The following ANO4 variants were observed in gnomAD, a reference collection of about 807,000 sequenced individuals.
ANO4 encodes the protein anoctamin-4.
Under a neutral mutation model 141.9 loss-of-function variants are expected in ANO4, and 69 were observed. The observed-to-expected ratio is 0.49, with a 90% CI of 0.40 to 0.59. The LOEUF is 0.59. ANO4 is among the 20% of genes least tolerant of loss of function. The probability of loss-of-function intolerance (pLI) is 0.00; values close to 1 mark genes in which losing one functional copy is unlikely to be tolerated. For synonymous variants in ANO4, 350 were observed against 394.3 expected (o/e 0.89, Z 1.33); for missense variants, 894 against 1,162.2 (o/e 0.77, Z 3.36).
chr12:100,858,787 C>T (rs1454905756), intron 1 of ANO4, among the ~76,000 whole-genome samples: 1 of 118,252 alleles, frequency 8.5e-6, no homozygotes, highest in African/African-American at 3.5e-5. Context: ...TGCAAAACCA[C>T]TCTACCATCT....
At chr12:101,027,782 T>A (rs1209292865) in intron 9 of ANO4, among the ~76,000 whole-genome samples, 1 of 152,072 alleles carries the variant, frequency 6.6e-6, no homozygotes, top group Non-Finnish European at 1.5e-5. Context: ...TAGCCCAGAA[T>A]GCCACCCAGC....
At chr12:101,070,371 T>TA (rs1316386358) in intron 14 of ANO4, among the ~76,000 whole-genome samples, 1 of 152,158 alleles carries the variant, frequency 6.6e-6, no homozygotes, top group Non-Finnish European at 1.5e-5. Flanking sequence ...TCCACACACT[T>TA]ACAGTGAACT....
At chr12:100,956,029 C>T (rs2043162316) in intron 5 of ANO4, among the ~76,000 whole-genome samples, 1 of 152,186 alleles carries the variant, frequency 6.6e-6, no homozygotes, top group Non-Finnish European at 1.5e-5. Context: ...TTAGCAATTT[C>T]CCATGAACAT....
chr12:101,004,889 GC>G (rs1335737925), intron 8 of ANO4, among the ~76,000 whole-genome samples: 5 of 152,120 alleles, frequency 3.3e-5, no homozygotes, highest in African/African-American at 4.8e-5. Context: ...ATGGTGGAGG[GC>G]CAAAAAAGAG....
At chr12:101,007,311 C>T (rs1353482136) in intron 8 of ANO4, among the ~76,000 whole-genome samples, 3 of 152,152 alleles carry the variant, frequency 2.0e-5, no homozygotes, top group Non-Finnish European at 1.5e-5. Context: ...GATTGCACCA[C>T]GGCCCTCCAG....
chr12:101,077,046 A>G (rs1475625754), intron 14 of ANO4, among the ~76,000 whole-genome samples: 1 of 152,154 alleles, frequency 6.6e-6, no homozygotes, highest in Non-Finnish European at 1.5e-5. Flanking sequence ...GCTAAGGGTA[A>G]CTCGTGATGC....
intron 13 of ANO4, among the ~76,000 whole-genome samples, chr12:101,045,155 CAAT>C (rs1454381934): frequency 6.6e-6 from 1 of 152,102 alleles, no homozygotes; most frequent in Non-Finnish European, 1.5e-5. Context: ...AGACCTAGAA[CAAT>C]AATAATTATA....
At position 100,752,593 on chromosome 12, in the gene ANO4, C is replaced by T. The variant is rs547273082; in HGVS notation, c.358+12488C>T. On this transcript the variant is annotated intron_variant, in intron 3 of 29. Coordinates refer to the ANO4 transcript ENST00000644049. ...TCCTTTGGAAACCTTATAGGGGTCA[C>T]GCAATCTTTTTTTAATGTGTGTGTG... 2.1e-3 allele frequency among the ~76,000 whole-genome samples: 324 copies of T among 152,094 alleles called. 1 individual carries two copies. Among genetic ancestry groups the T allele is most frequent in the African/African-American group, 7.1e-3 (293 of 41,502 alleles).
chr12:100,889,279 A>G (rs1379687961), intron 1 of ANO4, among the ~76,000 whole-genome samples: 2 of 152,048 alleles, frequency 1.3e-5, no homozygotes, highest in African/African-American at 4.8e-5. Flanking sequence ...CCAGTATATC[A>G]TTGTCGGACA....
At chr12:100,788,619 T>C (rs780280949) in intron 3 of ANO4, among the ~76,000 whole-genome samples, 9 of 152,188 alleles carry the variant, frequency 5.9e-5, no homozygotes, top group Admixed American at 3.9e-4. Flanking sequence ...AGCTGGAATT[T>C]TGTACAGATG....
At chr12:100,820,190 C>G (rs1056822882) in intron 1 of ANO4, among the ~76,000 whole-genome samples, 2 of 151,608 alleles carry the variant, frequency 1.3e-5, no homozygotes, top group African/African-American at 4.8e-5. Flanking sequence ...AAGGGGGGGC[C>G]CTCCCACCTG....
At chr12:101,028,745 G>A (rs2046844446) in intron 9 of ANO4, among the ~76,000 whole-genome samples, 2 of 152,120 alleles carry the variant, frequency 1.3e-5, no homozygotes, top group South Asian at 2.1e-4. Flanking sequence ...GAAACAAACT[G>A]GAAAACAAAC....
chr12:101,052,111 T>C (rs1258838109), intron 14 of ANO4, among the ~76,000 whole-genome samples: 5 of 152,210 alleles, frequency 3.3e-5, no homozygotes, highest in Non-Finnish European at 7.3e-5. Context: ...CTTTGCTTTG[T>C]GTGTTCACCG....
intron 1 of ANO4, among the ~76,000 whole-genome samples, chr12:100,725,645 C>T (rs988836705): frequency 6.6e-6 from 1 of 152,114 alleles, no homozygotes; most frequent in African/African-American, 2.4e-5. Flanking sequence ...CACACCCGGC[C>T]GGAAATTGCT....
intron 3 of ANO4, among the ~76,000 whole-genome samples, chr12:100,927,407 A>ATC (rs2041919022): frequency 6.6e-6 from 1 of 152,160 alleles, no homozygotes; most frequent in East Asian, 1.9e-4. Flanking sequence ...GCCTACTCAA[A>ATC]TCTTATGTAC....
At chr12:100,997,942 T>C (rs1438587866) in intron 8 of ANO4, among the ~76,000 whole-genome samples, 1 of 152,194 alleles carries the variant, frequency 6.6e-6, no homozygotes, top group Non-Finnish European at 1.5e-5. Context: ...TAACTGCTCA[T>C]GGCCATAACT....
At chr12:100,808,340 G>A (rs2035190653) in intron 1 of ANO4, among the ~76,000 whole-genome samples, 1 of 151,984 alleles carries the variant, frequency 6.6e-6, no homozygotes, top group Admixed American at 6.6e-5. Context: ...TATTATCGTT[G>A]CCACATGTAT....
intron 9 of ANO4, among the ~76,000 whole-genome samples, chr12:101,022,259 A>G (rs919957164): frequency 6.6e-6 from 1 of 152,196 alleles, no homozygotes; most frequent in Non-Finnish European, 1.5e-5. Flanking sequence ...TCTCTGCATT[A>G]GTCATCCTTC....
intron 16 of ANO4, among the ~76,000 whole-genome samples, chr12:101,085,385 A>T (rs559091596): frequency 6.6e-5 from 10 of 152,296 alleles, no homozygotes; most frequent in African/African-American, 2.4e-4. Flanking sequence ...TTTTAAAAAA[A>T]GGTTAGTTGT....
Sources: gnomAD v4.1 joint callset for allele counts (sites outside exome capture counted in the v4.1 genomes callset) on GRCh38, gnomAD v4.1.1 for gene constraint, MANE v1.5 for transcripts, NCBI Gene and HGNC (gene_info 2026-07-23, HGNC 2026-07-21) for gene names.